SNX29: variants seen among roughly 807,000 people sequenced by gnomAD.
SNX29 encodes sorting nexin 29.
Under a neutral mutation model 102.1 loss-of-function variants are expected in SNX29, and 78 were observed. The observed-to-expected ratio is 0.76, with a 90% CI of 0.64 to 0.92. The LOEUF (loss-of-function observed/expected upper bound fraction) is 0.92. Ranked by LOEUF, SNX29 falls within the 40% of genes least tolerant of loss-of-function variation. The pLI is 0.00. For synonymous variants in SNX29, 580 were observed against 414.5 expected, an observed-to-expected ratio of 1.40 and a Z score of -4.85; for missense variants, 1,280 against 1,061.7, an observed-to-expected ratio of 1.21 and a Z score of -2.86.
chr16:12,020,726 C>T (rs112203558), intron 3 of SNX29, among the ~76,000 whole-genome samples: 56,638 of 151,340 alleles, frequency 0.37, 12,002 homozygotes, highest in Non-Finnish European at 0.48. Context: ...TGGGTTCAAG[C>T]GATTCTCCTG....
At position 12,398,479 on chromosome 16, in the gene SNX29, C is replaced by G; in HGVS notation, c.1933C>G (p.Gln645Glu). 1 of 1,613,976 alleles carries G rather than the reference C, an allele frequency of 6.2e-7. No individual in the cohort carries two copies. The highest frequency in any genetic ancestry group is 8.5e-7 in the Non-Finnish European group (1 of 1,179,884). ...PGDLSQTSED[Q>E]SLSDFEISNR... The stretch of plus-strand genomic sequence containing the variant: ...AGATTTGAGTCAAACGTCCGAAGAC[C>G]AGAGTTTGTCGGATTTTGAAATGTA... Residue 645 changes from glutamine (Q) to glutamate (E), a missense_variant, in exon 17 of 21, where the codon CAG becomes GAG. By Grantham distance (29) the Gln-to-Glu change is conservative. Coordinates refer to ENST00000566228, the MANE Select transcript of SNX29 (RefSeq NM_032167.5).
chr16:12,500,166 T>C (rs1597624292), intron 19 of SNX29, among the ~76,000 whole-genome samples: 1 of 151,958 alleles, frequency 6.6e-6, no homozygotes, highest in African/African-American at 2.4e-5. Flanking sequence ...TAATTTTTTT[T>C]CTGTTAATTT....
chr16:12,303,016 G>A (rs1346229042), intron 15 of SNX29, among the ~76,000 whole-genome samples: 1 of 152,206 alleles, frequency 6.6e-6, no homozygotes, highest in Non-Finnish European at 1.5e-5. Flanking sequence ...ATCTGGCTAT[G>A]TGAGACCCTT....
At chr16:12,555,883 T>C (rs966415249) in intron 20 of SNX29, among the ~76,000 whole-genome samples, 4 of 152,166 alleles carry the variant, frequency 2.6e-5, no homozygotes, top group Admixed American at 1.3e-4. Flanking sequence ...CCGTGCTTTC[T>C]GCCCTCCTGT....
intron 16 of SNX29, among the ~76,000 whole-genome samples, chr16:12,396,886 AT>A (rs1230242642): frequency 6.6e-6 from 1 of 152,228 alleles, no homozygotes; most frequent in East Asian, 1.9e-4. Flanking sequence ...AAAGTTCAAA[AT>A]AGAAAATACA....
chr16:12,126,914 G>A (rs1053491519), intron 12 of SNX29, among the ~76,000 whole-genome samples: 13 of 152,122 alleles, frequency 8.5e-5, no homozygotes, highest in Admixed American at 7.9e-4. Context: ...TTATGATAAT[G>A]GCACCTTCAT....
At chr16:12,434,012 A>G (rs750704011) in intron 18 of SNX29, among the ~76,000 whole-genome samples, 1 of 152,172 alleles carries the variant, frequency 6.6e-6, no homozygotes, top group Non-Finnish European at 1.5e-5. Context: ...CACATGGGGC[A>G]TCCTTCTTAA....
chr16:12,271,435 CTT>C (rs2079089450), intron 14 of SNX29, among the ~76,000 whole-genome samples: 1 of 152,194 alleles, frequency 6.6e-6, no homozygotes, highest in African/African-American at 2.4e-5. Flanking sequence ...GTCTTTATAA[CTT>C]AATCTCAGTG....
intron 1 of SNX29, among the ~76,000 whole-genome samples, chr16:11,981,961 T>C (rs937930539): frequency 1.3e-5 from 2 of 152,066 alleles, no homozygotes; most frequent in Admixed American, 1.3e-4. Context: ...TCTGAGCCCT[T>C]TGGGAGGCCC....
rs913861633 is a variant in SNX29 at position 12,430,319 on chromosome 16, C to G, written c.2037+26790C>G. On this transcript the variant is annotated intron_variant, in intron 18 of 20. Coordinates refer to ENST00000566228, the MANE Select transcript of SNX29 (RefSeq NM_032167.5). ...GCACAGTGGGGGCAATGCCACCCAA[C>G]TTGGAGGGTGGTTGTGAAGTGAAGG... 3.9e-5 allele frequency among the ~76,000 whole-genome samples: 6 copies of G among 152,186 alleles called. No homozygotes were observed. In the South Asian group the frequency reaches 1.2e-3, roughly 31 times the overall value.
chr16:12,070,866 T>C (rs1395478089), intron 10 of SNX29, among the ~76,000 whole-genome samples: 1 of 152,270 alleles, frequency 6.6e-6, no homozygotes, highest in African/African-American at 2.4e-5. Flanking sequence ...ATTGCCATTC[T>C]AACTGGTGTG....
chr16:12,173,172 A>G lies in SNX29; in HGVS notation c.1596-26429A>G, dbSNP rs186123790. On this transcript the variant is annotated intron_variant, in intron 13 of 20. Transcript: ENST00000566228. ...TCTGATTGGTGAGTGACTGCCGGAG[A>G]TAAAGCTGGTCTTAGAATTGCAGCC... Among the ~76,000 whole-genome samples, 373 of 152,358 alleles carry G rather than the reference A, an allele frequency of 2.4e-3. 2 individuals carry two copies. The highest frequency in any genetic ancestry group is 2.3e-3 in the Non-Finnish European group (157 of 68,026).
At chr16:12,172,409 A>C (rs931771888) in intron 13 of SNX29, among the ~76,000 whole-genome samples, 2 of 152,138 alleles carry the variant, frequency 1.3e-5, no homozygotes, top group Non-Finnish European at 2.9e-5. Flanking sequence ...TGAGTCCCCC[A>C]GGGCCAGGAA....
At chr16:12,043,784 C>T (rs368275072) in intron 5 of SNX29, among the ~76,000 whole-genome samples, 2 of 152,052 alleles carry the variant, frequency 1.3e-5, no homozygotes, top group Non-Finnish European at 2.9e-5. Flanking sequence ...GACGGAGCCT[C>T]ACTCTTTTGC....
intron 9 of SNX29, among the ~76,000 whole-genome samples, chr16:12,067,984 A>G (rs763326692): frequency 2.0e-5 from 3 of 147,314 alleles, no homozygotes; most frequent in Admixed American, 6.9e-5. Context: ...TCCTAAATGC[A>G]CTTAATGCAG....
intron 15 of SNX29, among the ~76,000 whole-genome samples, chr16:12,339,332 T>C (rs151249241): frequency 0.057 from 7,924 of 138,562 alleles, 327 homozygotes; most frequent in Non-Finnish European, 0.073. Context: ...GATCGTGCCA[T>C]TGCACTCCAG....
intron 20 of SNX29, among the ~76,000 whole-genome samples, chr16:12,538,044 A>G (rs907494351): frequency 1.3e-5 from 2 of 152,066 alleles, no homozygotes; most frequent in Non-Finnish European, 2.9e-5. Context: ...TGTCCTGCTA[A>G]AGTATAATCG....
intron 18 of SNX29, among the ~76,000 whole-genome samples, chr16:12,452,039 C>T (rs899400478): frequency 6.6e-6 from 1 of 152,104 alleles, no homozygotes; most frequent in Admixed American, 6.5e-5. Context: ...TAGCTTTGGA[C>T]AGTTATTGAG....
intron 13 of SNX29, among the ~76,000 whole-genome samples, chr16:12,136,896 C>T (rs138046558): frequency 0.012 from 1,899 of 152,230 alleles, 19 homozygotes; most frequent in Admixed American, 0.016. Context: ...CCCGCCATCA[C>T]GCCTGGCTAA....
Sources: gnomAD v4.1 joint callset for allele counts (sites outside exome capture counted in the v4.1 genomes callset) on GRCh38, gnomAD v4.1.1 for gene constraint, MANE v1.5 for transcripts, NCBI Gene and HGNC (gene_info 2026-07-23, HGNC 2026-07-21) for gene names.